The following HOMEZ variants were observed in gnomAD, a reference collection of about 807,000 sequenced individuals.
HOMEZ encodes the protein homeobox and leucine zipper encoding, also known as homeobox and leucine zipper protein Homez.
HOMEZ carries 20 observed loss-of-function variants against 50.1 expected under a neutral mutation model. That is an observed-to-expected ratio of 0.40 (90% CI 0.28 to 0.58). HOMEZ has a LOEUF of 0.58. HOMEZ is among the 20% of genes least tolerant of loss of function. HOMEZ has a pLI of 0.46. For synonymous variants in HOMEZ, 239 were observed against 254.7 expected, an observed-to-expected ratio of 0.94 and a Z score of 0.59; for missense variants, 579 against 680.5, an observed-to-expected ratio of 0.85 and a Z score of 1.66.
At position 23,286,065 on chromosome 14, in the gene HOMEZ, C is replaced by G; in HGVS notation, c.-113G>C. 2.4e-6 allele frequency: 3 copies of G among 1,231,058 alleles called. No individual in the cohort carries two copies. The highest frequency in any genetic ancestry group is 3.2e-5 in the East Asian group (1 of 31,640). 76.3% of individuals were successfully genotyped at this position (1,231,058 alleles called of 1,614,324 possible). A position where few individuals can be genotyped will look rare whatever the true frequency, so the allele number is the denominator to read the frequency against. ...GCGATGGCCGAAACCGGGACTGCCC[C>G]CCCCACCGTCCCCGGGAGCGCGCCG... On this transcript the variant is annotated 5_prime_UTR_variant, in exon 1 of 2. Coordinates refer to ENST00000357460, the MANE Select transcript of HOMEZ (RefSeq NM_020834.3).
intron 1 of HOMEZ, among the ~76,000 whole-genome samples, chr14:23,280,193 T>C (rs905242354): frequency 6.6e-6 from 1 of 152,084 alleles, no homozygotes; most frequent in Non-Finnish European, 1.5e-5. Flanking sequence ...GGGTCAGAGA[T>C]TGGGGATAAA....
Position 23,280,713 on chromosome 14 carries a change from T to TA in HOMEZ, c.41-3527_41-3526insT, listed in dbSNP as rs1353728239. Among the ~76,000 whole-genome samples the TA allele has an allele frequency of 7.7e-3, 443 of 57,250 alleles. 28 individuals carry two copies. The highest frequency in any genetic ancestry group is 0.025 in the South Asian group (45 of 1,784). The allele number at this position is 57,250 out of a possible 152,430, so 37.6% of individuals were successfully genotyped here. ...TATTTTTATTTTTATATTTTTATTTTTATTTTATTTTATTTTATTTTATTT... is the reference window on the plus strand; with the variant it reads ...TATTTTTATTTTTATATTTTTATTTTATATTTTATTTTATTTTATTTTATTT... On this transcript the variant is annotated intron_variant, in intron 1 of 1. Transcript: ENST00000357460.
chr14:23,281,798 C>A (rs1886561749), intron 1 of HOMEZ, among the ~76,000 whole-genome samples: 1 of 92,890 alleles, frequency 1.1e-5, no homozygotes, highest in South Asian at 3.1e-4. Flanking sequence ...ACTGTCTCTA[C>A]AAATAATAAT....
chr14:23,278,554 G>GGGTCTCACTATGTGGCCTAGGCT (rs1886418517), intron 1 of HOMEZ, among the ~76,000 whole-genome samples: 1 of 151,804 alleles, frequency 6.6e-6, no homozygotes. Context: ...TTTGTAGACA[G>GGGTCTCACTATGTGGCCTAGGCT]GGTCTCACTA....
In HOMEZ at chr14:23,276,041, G is replaced by T; in HGVS notation, c.1187C>A (p.Pro396His). ...AAACCACTGAATGATCTCAGGCCGA[G>T]GTAAACCAGTGATCTGTTCTAACTT... ...YQKLEQITGL[P>H]RPEIIQWFGD... The change falls in exon 2 of 2, where the codon CCT becomes CAT. Residue 396 changes from proline to histidine, a missense_variant. Coordinates refer to ENST00000357460, the MANE Select transcript of HOMEZ (RefSeq NM_020834.3). The surrounding 1 kb of genome is among the most constrained non-coding windows in gnomAD (Gnocchi z 4.1). The T allele has an allele frequency of 6.2e-7, 1 of 1,613,910 alleles. No individual in the cohort carries two copies. The highest frequency in any genetic ancestry group is 8.5e-7 in the Non-Finnish European group (1 of 1,179,828).
intron 1 of HOMEZ, 55 bp from the exon 2 acceptor site, chr14:23,277,242 C>T: frequency 7.0e-7 from 1 of 1,433,602 alleles, no homozygotes. Context: ...TGACACACTG[C>T]TCAATTTCTA....
rs555557267 is a variant in HOMEZ at position 23,276,214 on chromosome 14, G to A, written c.1014C>T (p.Asn338=). The change falls in exon 2 of 2, where the codon AAC becomes AAT. Residue 338 remains asparagine, a synonymous_variant. Transcript: ENST00000357460. The surrounding 1 kb of genome is among the most constrained non-coding windows in gnomAD (Gnocchi z 4.1). ...EPAWPQGLRH[N]SVPGRVGPTE... ...TGGGGCCAACTCTACCTGGTACTGA[G>A]TTATGCCGTAGCCCTTGGGGCCAGG... The A allele has an allele frequency of 1.2e-6, 2 of 1,614,012 alleles. No individual in the cohort carries two copies. Among genetic ancestry groups the A allele is most frequent in the African/African-American group, 2.7e-5 (2 of 75,056 alleles).
At position 23,274,611 on chromosome 14, in the gene HOMEZ, A is replaced by C. The variant is rs1031623546; in HGVS notation, c.*964T>G. The stretch of plus-strand genomic sequence containing the variant: ...AGCTACAAGGCAAAGTGGTCACAGC[A>C]TAAGAACTGAAAATAGCCGGGCACG... On this transcript the variant is annotated 3_prime_UTR_variant, in exon 2 of 2. Coordinates refer to ENST00000357460, the MANE Select transcript of HOMEZ (RefSeq NM_020834.3). 1 of 152,694 alleles carries C rather than the reference A, an allele frequency of 6.5e-6. No individual in the cohort carries two copies. 9.5% of individuals were successfully genotyped at this position (152,694 alleles called of 1,614,324 possible). A position where few individuals can be genotyped will look rare whatever the true frequency, so the allele number is the denominator to read the frequency against.
At chr14:23,283,850 A>C (rs1199827304) in intron 1 of HOMEZ, among the ~76,000 whole-genome samples, 1 of 152,276 alleles carries the variant, frequency 6.6e-6, no homozygotes, top group Non-Finnish European at 1.5e-5. Context: ...AGCCAAGATC[A>C]CGTCACTGTA....
intron 1 of HOMEZ, among the ~76,000 whole-genome samples, chr14:23,280,778 A>ATTTTCTTTTCTTTTCTTTTCTTTTC (rs200828569): frequency 9.9e-6 from 1 of 100,692 alleles, no homozygotes; most frequent in Non-Finnish European, 2.1e-5. Context: ...ATTTTATTTT[A>ATTTTCTTTTCTTTTCTTTTCTTTTC]TTTTATTTTA....
Position 23,275,316 on chromosome 14 carries a change from T to C in HOMEZ, c.*259A>G. The C allele has an allele frequency of 2.1e-6, 1 of 475,016 alleles. No homozygotes were observed. The highest frequency in any genetic ancestry group is 3.7e-6 in the Non-Finnish European group (1 of 271,868). 29.4% of individuals were successfully genotyped at this position (475,016 alleles called of 1,614,324 possible). On this transcript the variant is annotated 3_prime_UTR_variant, in exon 2 of 2. Coordinates refer to ENST00000357460, the MANE Select transcript of HOMEZ (RefSeq NM_020834.3). ...GCAAGAGCAGCTTCCCAGCCCATGGTTTCCCCAGATCCTTAGCACTCCCTA... is the reference window on the plus strand; with the variant it reads ...GCAAGAGCAGCTTCCCAGCCCATGGCTTCCCCAGATCCTTAGCACTCCCTA...
Position 23,275,671 on chromosome 14 carries a change from C to T in HOMEZ, c.1557G>A (p.Glu519=). 1 of 1,580,762 alleles carries T rather than the reference C, an allele frequency of 6.3e-7. No individual in the cohort carries two copies. Among genetic ancestry groups the T allele is most frequent in the Non-Finnish European group, 8.6e-7 (1 of 1,162,650 alleles). The change falls in exon 2 of 2, where the codon GAG becomes GAA. Residue 519 remains glutamate, a synonymous_variant. Coordinates refer to ENST00000357460, the MANE Select transcript of HOMEZ (RefSeq NM_020834.3). The part of the protein sequence containing the change: ...VVVCLDEEEE[E]EEEELPEDDE... The stretch of plus-strand genomic sequence containing the variant: ...CATCTTCTGGCAGTTCTTCCTCCTC[C>T]TCTTCCTCTTCTTCATCTAGACAAA...
Position 23,272,966 on chromosome 14 carries a change from G to A in HOMEZ, c.*2609C>T, listed in dbSNP as rs1344335817. On this transcript the variant is annotated 3_prime_UTR_variant, in exon 2 of 2. Coordinates refer to ENST00000357460, the MANE Select transcript of HOMEZ (RefSeq NM_020834.3). ...CTTCCAGTACGCATTAGGGGTGATG[G>A]CCCTGGAAAATGTATCCCTGCATTG... The A allele has an allele frequency of 7.4e-6, 6 of 815,576 alleles. No homozygotes were observed. Among genetic ancestry groups the A allele is most frequent in the South Asian group, 3.7e-5 (2 of 54,232 alleles). The allele number at this position is 815,576 out of a possible 1,614,324, so 50.5% of individuals were successfully genotyped here.
In HOMEZ at chr14:23,276,018, A is replaced by G. The variant is rs770642543; in HGVS notation, c.1210T>C (p.Phe404Leu). Residue 404 changes from phenylalanine to leucine, a missense_variant, in exon 2 of 2, where the codon TTT (phenylalanine) becomes CTT (leucine). Coordinates refer to ENST00000357460, the MANE Select transcript of HOMEZ (RefSeq NM_020834.3). The surrounding 1 kb of genome is among the most constrained non-coding windows in gnomAD (Gnocchi z 4.1). ...GLPRPEIIQW[F>L]GDTRYALKHG... ...TTCAAGGCATAGCGTGTGTCACCAA[A>G]CCACTGAATGATCTCAGGCCGAGGT... 2 of 1,613,666 alleles carry G rather than the reference A, an allele frequency of 1.2e-6. No individual in the cohort carries two copies. The highest frequency in any genetic ancestry group is 4.5e-5 in the East Asian group (2 of 44,882).
intron 1 of HOMEZ, among the ~76,000 whole-genome samples, chr14:23,284,684 G>A (rs1026999740): frequency 2.0e-4 from 30 of 152,266 alleles, no homozygotes; most frequent in East Asian, 1.9e-4. Flanking sequence ...AAATGTTTTG[G>A]AGAGACATAA....
In HOMEZ at chr14:23,275,296, A is replaced by G. The variant is rs1352574078; in HGVS notation, c.*279T>C. 2.2e-6 allele frequency: 1 copy of G among 453,180 alleles called. No homozygotes were observed. Among genetic ancestry groups the G allele is most frequent in the Non-Finnish European group, 3.9e-6 (1 of 257,784 alleles). The allele number at this position is 453,180 out of a possible 1,614,324, so 28.1% of individuals were successfully genotyped here. ...AAACAGCAGACACGAGGAGAGCAAG[A>G]GCAGCTTCCCAGCCCATGGTTTCCC... On this transcript the variant is annotated 3_prime_UTR_variant, in exon 2 of 2. Transcript: ENST00000357460.
rs753931754 is a variant in HOMEZ, at chr14:23,276,076, C to T, written c.1152G>A (p.Glu384=). The T allele has an allele frequency of 4.3e-6, 7 of 1,613,856 alleles. 1 individual carries two copies. In the South Asian group the frequency reaches 6.6e-5, roughly 15 times the overall value. The change falls in exon 2 of 2, where the codon GAG becomes GAA. Residue 384 remains glutamate, a synonymous_variant. Coordinates refer to ENST00000357460, the MANE Select transcript of HOMEZ (RefSeq NM_020834.3). This position sits in a 1 kb window ranked among gnomAD's most constrained non-coding sequence, Gnocchi z 4.1. ...FFLQCQWARR[E]DYQKLEQITG... ...TGATCTGTTCTAACTTTTGGTAATC[C>T]TCACGCCGTGCCCACTGGCACTGTA...
Position 23,279,785 on chromosome 14 carries a change from AT to A in HOMEZ, c.41-2599del, listed in dbSNP as rs1013561352. On this transcript the variant is annotated intron_variant, in intron 1 of 1. Transcript: ENST00000357460. ...GCATGAGCCACCGCGCCTGGCCACT[AT>A]TTTTTTTTAGAGACAAGTTCTCGTT... Among the ~76,000 whole-genome samples, 294 of 150,832 alleles carry A rather than the reference AT, an allele frequency of 1.9e-3. 2 individuals are homozygous for A. The highest frequency in any genetic ancestry group is 2.5e-3 in the Non-Finnish European group (172 of 67,552).
rs1365267740 is a variant in HOMEZ, at chr14:23,274,304, G to A, written c.*1271C>T. 1 of 152,548 alleles carries A rather than the reference G, an allele frequency of 6.6e-6. No individual in the cohort carries two copies. Among genetic ancestry groups the A allele is most frequent in the Non-Finnish European group, 1.5e-5 (1 of 68,034 alleles). 9.4% of individuals were successfully genotyped at this position (152,548 alleles called of 1,614,324 possible). On this transcript the variant is annotated 3_prime_UTR_variant, in exon 2 of 2. Transcript: ENST00000357460. ...TTGACAGCAAAAAGATGAAAAATTA[G>A]TCTCTGTCAAGCTGGACAGGAGGTA...
Sources: allele counts gnomAD v4.1 joint callset (sites outside exome capture counted in the v4.1 genomes callset), GRCh38; gene constraint gnomAD v4.1.1; non-coding constraint Gnocchi (gnomAD v3.1); transcripts MANE v1.5; gene names NCBI Gene and HGNC (gene_info 2026-07-23, HGNC 2026-07-21).